The following STEAP2 variants were observed in gnomAD, a reference collection of about 807,000 sequenced individuals.
The protein encoded by STEAP2 is STEAP2 metalloreductase, also known as metalloreductase STEAP2.
Under a neutral mutation model 46.4 loss-of-function variants are expected in STEAP2, and 30 were observed. The ratio of observed to expected loss-of-function variants is 0.65; its 90% CI spans 0.48 to 0.88. STEAP2 has a LOEUF of 0.88. Ranked by LOEUF, STEAP2 falls within the 40% of genes least tolerant of loss-of-function variation. The pLI, the probability that STEAP2 is intolerant of heterozygous loss-of-function variation, is 0.00. For synonymous variants in STEAP2, 180 were observed against 200.5 expected (o/e 0.90, Z 0.86); for missense variants, 513 against 579.3 (o/e 0.89, Z 1.18).
chr7:90,232,232 A>C, intron 5 of STEAP2, 105 bp from the exon 6 acceptor site: 1 of 1,317,712 alleles, frequency 7.6e-7, no homozygotes, highest in Non-Finnish European at 9.8e-7. Flanking sequence ...AAGACAAAAT[A>C]GTTTTATCAA....
At chr7:90,238,511 T>C (rs1451467902), downstream of STEAP2, among the ~76,000 whole-genome samples, 1 of 152,192 alleles carries the variant, frequency 6.6e-6, no homozygotes, top group Non-Finnish European at 1.5e-5. Flanking sequence ...GATAGGCTGT[T>C]CTAAAGTGCA....
chr7:90,237,140 G>C lies in STEAP2; in HGVS notation c.*4516G>C. On this transcript the variant is annotated 3_prime_UTR_variant, in exon 6 of 6. Coordinates refer to ENST00000394621, the MANE Select transcript of STEAP2 (RefSeq NM_001244944.2). ...AGGAGCCCTGGCAGCTGTCTCCAGA[G>C]GATCAAAGCCACACCCAAAGAGTAA... The C allele has an allele frequency of 1.7e-6, 1 of 572,636 alleles. No individual in the cohort carries two copies. The allele number at this position is 572,636 out of a possible 1,614,324, so 35.5% of individuals were successfully genotyped here.
intron 4 of STEAP2, among the ~76,000 whole-genome samples, chr7:90,228,701 G>T (rs1347278666): frequency 3.9e-5 from 6 of 152,094 alleles, no homozygotes; most frequent in Non-Finnish European, 7.4e-5. Flanking sequence ...TGAGAAGAGG[G>T]ATCTTTGTCT....
chr7:90,217,890 A>C (rs908780748), intron 2 of STEAP2, among the ~76,000 whole-genome samples: 4 of 152,140 alleles, frequency 2.6e-5, no homozygotes, highest in African/African-American at 7.2e-5. Flanking sequence ...TTCCACCAAT[A>C]ACATATAAGG....
intron 2 of STEAP2, among the ~76,000 whole-genome samples, chr7:90,216,983 C>T (rs1795050004): frequency 6.6e-6 from 1 of 152,100 alleles, no homozygotes; most frequent in South Asian, 2.1e-4. Context: ...CTCCATGTGC[C>T]AAAACAGTGG....
At chr7:90,213,746 G>T (rs1244535323) in intron 1 of STEAP2, 1 of 152,086 alleles carries the variant, frequency 6.6e-6, no homozygotes, top group East Asian at 1.9e-4. Context: ...TGTCCAATGG[G>T]GGAAATAGTA....
At chr7:90,213,539 C>A (rs1017586790) in intron 1 of STEAP2, among the ~76,000 whole-genome samples, 3 of 152,172 alleles carry the variant, frequency 2.0e-5, no homozygotes, top group Admixed American at 6.5e-5. Flanking sequence ...AAATCACCTA[C>A]CCCTTAAGGG....
In STEAP2 at chr7:90,211,928, G is replaced by A. The variant is rs1794824124; in HGVS notation, c.-264G>A. On this transcript the variant is annotated 5_prime_UTR_variant, in exon 1 of 6. Transcript: ENST00000394621. Reference sequence around the variant, plus strand: ...CGCGGCAGCCACCCTGCAACCGCCAGTCGGAGGTGCAGTCCGTAGGCCCTG... The same window carrying A: ...CGCGGCAGCCACCCTGCAACCGCCAATCGGAGGTGCAGTCCGTAGGCCCTG... 1.3e-5 allele frequency: 2 copies of A among 152,446 alleles called. No homozygotes were observed. Among genetic ancestry groups the A allele is most frequent in the South Asian group, 2.1e-4 (1 of 4,838 alleles). The allele number at this position is 152,446 out of a possible 1,614,324, so 9.4% of individuals were successfully genotyped here. A position where few individuals can be genotyped will look rare whatever the true frequency, so the allele number is the denominator to read the frequency against.
chr7:90,221,667 A>G, intron 2 of STEAP2, among the ~76,000 whole-genome samples: 1 of 152,196 alleles, frequency 6.6e-6, no homozygotes, highest in East Asian at 1.9e-4. Context: ...AGACACCCGG[A>G]TACAGGTAAC....
chr7:90,219,852 G>A (rs17863957), intron 2 of STEAP2, among the ~76,000 whole-genome samples: 2 of 152,038 alleles, frequency 1.3e-5, no homozygotes, highest in Admixed American at 1.3e-4. Flanking sequence ...CTCAGCTCCC[G>A]AGTACTAGGA....
intron 4 of STEAP2, among the ~76,000 whole-genome samples, chr7:90,228,258 T>C (rs1253400888): frequency 6.6e-6 from 1 of 152,308 alleles, no homozygotes; most frequent in East Asian, 1.9e-4. Context: ...CCAAAACAAA[T>C]GTGTAAAAGC....
chr7:90,234,436 G>A lies in STEAP2; in HGVS notation c.*1812G>A. The A allele has an allele frequency of 1.0e-6, 1 of 985,030 alleles. No individual in the cohort carries two copies. Among genetic ancestry groups the A allele is most frequent in the Non-Finnish European group, 1.2e-6 (1 of 829,790 alleles). The allele number at this position is 985,030 out of a possible 1,614,324, so 61.0% of individuals were successfully genotyped here. ...ACAATAAAAAGACTTTTATTTAGTA[G>A]AGGCTACCTTTCCCACCAGTGACTC... On this transcript the variant is annotated 3_prime_UTR_variant, in exon 6 of 6. Coordinates refer to ENST00000394621, the MANE Select transcript of STEAP2 (RefSeq NM_001244944.2).
Position 90,225,151 on chromosome 7 carries a change from TG to T in STEAP2, c.71del (p.Gly24ValfsTer10), listed in dbSNP as rs1446210694. On this transcript the variant is annotated frameshift_variant, in exon 3 of 6. Transcript: ENST00000394621. LOFTEE classifies it high-confidence loss of function. ...AAACTTTTTTACCTAATGGCATAAA[TG>T]GTATCAAAGATGCAAGGAAGGTCAC... ...SETFLPNGIN[G>X]IKDARKVTVG... is the part of the protein sequence containing the mutation. The T allele has an allele frequency of 6.2e-7, 1 of 1,613,910 alleles. No homozygotes were observed. The highest frequency in any genetic ancestry group is 1.1e-5 in the South Asian group (1 of 91,076).
chr7:90,241,626 G>C (rs890383210), downstream of STEAP2, among the ~76,000 whole-genome samples: 3 of 152,116 alleles, frequency 2.0e-5, no homozygotes, highest in African/African-American at 7.2e-5. Flanking sequence ...TGCAGGTAGG[G>C]CTTGAGATTC....
intron 2 of STEAP2, among the ~76,000 whole-genome samples, chr7:90,222,834 A>G (rs1428929139): frequency 6.6e-6 from 1 of 152,202 alleles, no homozygotes; most frequent in Non-Finnish European, 1.5e-5. Flanking sequence ...AATTTCATTT[A>G]GTAAAAACCC....
At chr7:90,240,162 G>A (rs1796045080), downstream of STEAP2, among the ~76,000 whole-genome samples, 1 of 151,980 alleles carries the variant, frequency 6.6e-6, no homozygotes, top group Non-Finnish European at 1.5e-5. The surrounding 1 kb of genome is among the most constrained non-coding windows in gnomAD (Gnocchi z 4.1). Flanking sequence ...AGTTCCAGCT[G>A]CTCGTGAGGC....
Position 90,233,683 on chromosome 7 carries a change from C to A in STEAP2, c.*1059C>A. 2 of 922,160 alleles carry A rather than the reference C, an allele frequency of 2.2e-6. No homozygotes were observed. Among genetic ancestry groups the A allele is most frequent in the Non-Finnish European group, 2.6e-6 (2 of 772,634 alleles). 57.1% of individuals were successfully genotyped at this position (922,160 alleles called of 1,614,324 possible). On this transcript the variant is annotated 3_prime_UTR_variant, in exon 6 of 6. Transcript: ENST00000394621. ...GATAGAAAAGTTATTTTTCAAAGGT[C>A]TTGCAGTTAATAAATGGCAGAGTGA...
chr7:90,234,868 C>G lies in STEAP2; in HGVS notation c.*2244C>G. On this transcript the variant is annotated 3_prime_UTR_variant, in exon 6 of 6. Transcript: ENST00000394621. ...CGCCCGGCCTATTATCTTGTACTTT[C>G]TAACTGAGCCCTCTATTTTCTTTAT... 3.0e-6 allele frequency: 3 copies of G among 985,130 alleles called. No individual in the cohort carries two copies. The highest frequency in any genetic ancestry group is 3.6e-6 in the Non-Finnish European group (3 of 829,778). 61.0% of individuals were successfully genotyped at this position (985,130 alleles called of 1,614,324 possible).
chr7:90,218,971 G>C (rs1795139996), intron 2 of STEAP2, among the ~76,000 whole-genome samples: 1 of 151,684 alleles, frequency 6.6e-6, no homozygotes, highest in Admixed American at 6.6e-5. Flanking sequence ...AGTTTTCCTT[G>C]TAGCAAACTT....
Sources: allele counts gnomAD v4.1 joint callset (sites outside exome capture counted in the v4.1 genomes callset), GRCh38; gene constraint gnomAD v4.1.1; non-coding constraint Gnocchi (gnomAD v3.1); transcripts MANE v1.5; gene names NCBI Gene and HGNC (gene_info 2026-07-23, HGNC 2026-07-21).